TMEM132D: variants seen among roughly 807,000 people sequenced by gnomAD.
The protein encoded by TMEM132D is transmembrane protein 132D, also known as mature OL transmembrane protein.
In TMEM132D, 21 loss-of-function variants were observed where a neutral mutation model predicts 62.3. The ratio of observed to expected loss-of-function variants is 0.34; its 90% CI spans 0.24 to 0.49. TMEM132D has a LOEUF of 0.49. Ranked by LOEUF, TMEM132D falls within the 20% of genes least tolerant of loss-of-function variation. The probability of loss-of-function intolerance (pLI) is 0.99; values close to 1 mark genes in which losing one functional copy is unlikely to be tolerated. For synonymous variants in TMEM132D, 621 were observed against 575.6 expected (o/e 1.08, Z -1.13); for missense variants, 1,346 against 1,402.8 (o/e 0.96, Z 0.65).
chr12:129,383,955 C>T (rs906597927), intron 3 of TMEM132D, among the ~76,000 whole-genome samples: 5 of 152,204 alleles, frequency 3.3e-5, no homozygotes, highest in Admixed American at 2.0e-4. Context: ...TAGACAACAC[C>T]GCAGTCACCC....
intron 5 of TMEM132D, among the ~76,000 whole-genome samples, chr12:129,127,144 G>C (rs776541373): frequency 2.6e-5 from 4 of 152,218 alleles, no homozygotes; most frequent in Non-Finnish European, 5.9e-5. Context: ...CTTCAAGGCT[G>C]TCCTATCACA....
At chr12:129,571,096 G>A (rs549757326) in intron 2 of TMEM132D, among the ~76,000 whole-genome samples, 27 of 152,286 alleles carry the variant, frequency 1.8e-4, no homozygotes, top group African/African-American at 6.5e-4. Flanking sequence ...GTAGCCATAC[G>A]TTAGAGGTAA....
chr12:129,194,705 C>T (rs529053209), intron 5 of TMEM132D, among the ~76,000 whole-genome samples: 27 of 152,316 alleles, frequency 1.8e-4, no homozygotes, highest in Admixed American at 1.6e-3. Context: ...CATCCAACAA[C>T]CAGGGTATAT....
intron 5 of TMEM132D, among the ~76,000 whole-genome samples, chr12:129,159,650 A>T (rs1283908230): frequency 6.6e-6 from 1 of 151,190 alleles, no homozygotes; most frequent in Non-Finnish European, 1.5e-5. Flanking sequence ...AATCCCAGCT[A>T]CTTGGGTGGC....
intron 4 of TMEM132D, among the ~76,000 whole-genome samples, chr12:129,221,491 A>G (rs2135573653): frequency 6.6e-6 from 1 of 152,334 alleles, no homozygotes; most frequent in Non-Finnish European, 1.5e-5. Context: ...CCTTCTGGGC[A>G]GCAGGATAGA....
chr12:129,753,290 A>C (rs548874602), intron 1 of TMEM132D, among the ~76,000 whole-genome samples: 1 of 152,364 alleles, frequency 6.6e-6, no homozygotes, highest in Non-Finnish European at 1.5e-5. Flanking sequence ...CAAAAAGTGT[A>C]CAAAGGGTTG....
At chr12:129,778,040 A>G (rs1238420069) in intron 1 of TMEM132D, among the ~76,000 whole-genome samples, 1 of 147,270 alleles carries the variant, frequency 6.8e-6, no homozygotes, top group Non-Finnish European at 1.5e-5. Flanking sequence ...ACTTGAACCC[A>G]GGAGGTCAAG....
chr12:129,873,094 A>G (rs1228923925), intron 1 of TMEM132D, among the ~76,000 whole-genome samples: 1 of 152,176 alleles, frequency 6.6e-6, no homozygotes, highest in Non-Finnish European at 1.5e-5. Context: ...TACAAAAAGA[A>G]AGGTAGGGAG....
In TMEM132D at chr12:129,074,499, C is replaced by T. The variant is rs143332531; in HGVS notation, c.2676G>A (p.Val892=). The T allele has an allele frequency of 1.2e-6, 2 of 1,614,076 alleles. No individual in the cohort carries two copies. Among genetic ancestry groups the T allele is most frequent in the Non-Finnish European group, 1.7e-6 (2 of 1,180,024 alleles). Residue 892 remains valine, a synonymous_variant, in exon 9 of 9, where the codon GTG becomes GTA. Transcript: ENST00000422113. ...TTTCCCCATTGCTTCTGGGGAGGTC[C>T]ACCTGGGCTGGGAAGCTGGTGAGGT... ...PSDLTSFPAQ[V]DLPRSNGEMD...
At chr12:129,156,656 G>T (rs1394698130) in intron 5 of TMEM132D, among the ~76,000 whole-genome samples, 1 of 151,862 alleles carries the variant, frequency 6.6e-6, no homozygotes. Flanking sequence ...ACTCACTCCT[G>T]TGATACCGAA....
At chr12:129,756,329 C>A (rs1283130662) in intron 1 of TMEM132D, among the ~76,000 whole-genome samples, 3 of 152,080 alleles carry the variant, frequency 2.0e-5, no homozygotes, top group African/African-American at 7.2e-5. Flanking sequence ...ATATCCACAC[C>A]ATGGAATATT....
rs191666877 is a variant in TMEM132D, at chr12:129,240,787, T to C, written c.1300-31124A>G. Among the ~76,000 whole-genome samples, 421 of 152,248 alleles carry C rather than the reference T, an allele frequency of 2.8e-3. 1 individual carries two copies. Among genetic ancestry groups the C allele is most frequent in the Non-Finnish European group, 4.7e-3 (318 of 68,030 alleles). On this transcript the variant is annotated intron_variant, in intron 4 of 8. Transcript: ENST00000422113. ...ATACTCATGCCTCAGCCGATGCTCT[T>C]CCACCAGAAACTTGGTCCGCTTCAG...
chr12:129,824,915 T>C (rs1006392677), intron 1 of TMEM132D, among the ~76,000 whole-genome samples: 2 of 152,196 alleles, frequency 1.3e-5, no homozygotes, highest in African/African-American at 4.8e-5. Flanking sequence ...CTCTTTTTCC[T>C]TAAGGGATGG....
intron 2 of TMEM132D, among the ~76,000 whole-genome samples, chr12:129,665,613 C>T (rs1025568681): frequency 6.6e-6 from 1 of 151,994 alleles, no homozygotes; most frequent in Admixed American, 6.6e-5. Flanking sequence ...TTTGCTGAGT[C>T]ATCTGCAATT....
chr12:129,117,707 C>G (rs1479674489), intron 5 of TMEM132D, among the ~76,000 whole-genome samples: 1 of 152,184 alleles, frequency 6.6e-6, no homozygotes, highest in Non-Finnish European at 1.5e-5. Context: ...GATGTGTGAT[C>G]TCAGACTCTA....
At chr12:129,510,891 T>A (rs1017112113) in intron 3 of TMEM132D, among the ~76,000 whole-genome samples, 3 of 152,230 alleles carry the variant, frequency 2.0e-5, no homozygotes, top group African/African-American at 7.2e-5. Context: ...TTCTCTATTC[T>A]GTTCCATTGG....
At chr12:129,771,981 G>T (rs117390528) in intron 1 of TMEM132D, among the ~76,000 whole-genome samples, 3 of 152,100 alleles carry the variant, frequency 2.0e-5, no homozygotes, top group African/African-American at 7.2e-5. Context: ...AACAAAGGAC[G>T]GCAGTGATAT....
chr12:129,334,462 G>C (rs941099413), intron 4 of TMEM132D, among the ~76,000 whole-genome samples: 1 of 151,368 alleles, frequency 6.6e-6, no homozygotes, highest in African/African-American at 2.5e-5. Flanking sequence ...TACCAACCAA[G>C]TCAAGGTTAA....
chr12:129,158,697 C>T (rs1293186162), intron 5 of TMEM132D, among the ~76,000 whole-genome samples: 1 of 151,482 alleles, frequency 6.6e-6, no homozygotes, highest in Non-Finnish European at 1.5e-5. Flanking sequence ...TGGAAGAGCA[C>T]ATTGGGGAAT....
Sources: allele counts gnomAD v4.1 joint callset (sites outside exome capture counted in the v4.1 genomes callset), GRCh38; gene constraint gnomAD v4.1.1; transcripts MANE v1.5; gene names NCBI Gene and HGNC (gene_info 2026-07-23, HGNC 2026-07-21).